MTUS2: variants seen among roughly 807,000 people sequenced by gnomAD.
MTUS2 encodes the protein microtubule-associated tumor suppressor candidate 2.
Under a neutral mutation model 114.1 loss-of-function variants are expected in MTUS2, and 40 were observed. The observed-to-expected ratio is 0.35, with a 90% CI of 0.27 to 0.46. MTUS2 has a LOEUF of 0.46. MTUS2 is among the 20% of genes least tolerant of loss of function. MTUS2 has a pLI of 1.00. For synonymous variants in MTUS2, 688 were observed against 672.0 expected, an observed-to-expected ratio of 1.02 and a Z score of -0.37; for missense variants, 1,679 against 1,705.4, an observed-to-expected ratio of 0.98 and a Z score of 0.27.
At chr13:29,118,367 A>G (rs1261959503) in intron 5 of MTUS2, among the ~76,000 whole-genome samples, 4 of 152,050 alleles carry the variant, frequency 2.6e-5, no homozygotes, top group Non-Finnish European at 5.9e-5. Context: ...CTGGGCTGGA[A>G]CCTGGCTCTG....
Position 29,504,072 on chromosome 13 carries a change from ATTG to A in MTUS2, c.*870_*872del, listed in dbSNP as rs1883080862. The stretch of plus-strand genomic sequence containing the variant: ...GCATCTCAGACTCGGTCATTAAGCT[ATTG>A]TTGCACCCTCCGGAAAACATGGCAG... On this transcript the variant is annotated 3_prime_UTR_variant, in exon 16 of 16. Coordinates refer to ENST00000612955, the MANE Select transcript of MTUS2 (RefSeq NM_001033602.4). 4.3e-6 allele frequency: 1 copy of A among 231,572 alleles called. No homozygotes were observed. The highest frequency in any genetic ancestry group is 2.2e-5 in the African/African-American group (1 of 45,252). 14.3% of individuals were successfully genotyped at this position (231,572 alleles called of 1,614,324 possible).
intron 9 of MTUS2, among the ~76,000 whole-genome samples, chr13:29,441,500 C>A (rs569032309): frequency 6.6e-6 from 1 of 152,298 alleles, no homozygotes; most frequent in African/African-American, 2.4e-5. Flanking sequence ...ACCTCATTGC[C>A]AAGGCCTCCA....
At chr13:29,329,655 C>T (rs1268511253) in intron 7 of MTUS2, among the ~76,000 whole-genome samples, 11 of 148,210 alleles carry the variant, frequency 7.4e-5, no homozygotes, top group African/African-American at 2.8e-4. Flanking sequence ...CACTCTGTTG[C>T]CAGGCTGGAG....
intron 6 of MTUS2, among the ~76,000 whole-genome samples, chr13:29,317,064 A>G (rs1014440732): frequency 1.3e-5 from 2 of 152,184 alleles, no homozygotes; most frequent in African/African-American, 4.8e-5. Flanking sequence ...TTATCTTTTC[A>G]TAATAATCTT....
At chr13:29,060,094 G>A (rs1186001492) in intron 4 of MTUS2, among the ~76,000 whole-genome samples, 1 of 152,248 alleles carries the variant, frequency 6.6e-6, no homozygotes. Context: ...AGGACTGCTG[G>A]GCTGGAAGCT....
Position 29,260,461 on chromosome 13 carries a change from C to T in MTUS2, c.2645-21243C>T, listed in dbSNP as rs150580197. ...TATGCCTAGTGTTCCATTACTGGAA[C>T]GCTAAGCTTGTGGGAGTTATTTATA... On this transcript the variant is annotated intron_variant, in intron 5 of 15. Transcript: ENST00000612955. Among the ~76,000 whole-genome samples, 378 of 152,298 alleles carry T rather than the reference C, an allele frequency of 2.5e-3. 4 individuals are homozygous for T. Among genetic ancestry groups the T allele is most frequent in the South Asian group, 0.022 (105 of 4,816 alleles).
At chr13:29,458,686 C>G (rs1288376452) in intron 9 of MTUS2, among the ~76,000 whole-genome samples, 2 of 152,276 alleles carry the variant, frequency 1.3e-5, no homozygotes, top group African/African-American at 4.8e-5. Context: ...ACAGGCAGGA[C>G]AACTCTCCAT....
chr13:28,853,701 T>C (rs1876443843), intron 2 of MTUS2, among the ~76,000 whole-genome samples: 1 of 152,170 alleles, frequency 6.6e-6, no homozygotes, highest in African/African-American at 2.4e-5. Flanking sequence ...AGATTGACCA[T>C]CATGTTAAAA....
upstream of MTUS2, chr13:28,820,226 T>A (rs1873789234): frequency 6.9e-6 from 1 of 145,056 alleles, no homozygotes; most frequent in South Asian, 2.1e-4. Context: ...GCGGCTCCGG[T>A]CCCCGGCTGC....
At chr13:29,501,665 A>G (rs935765547) in intron 15 of MTUS2, among the ~76,000 whole-genome samples, 25 of 152,202 alleles carry the variant, frequency 1.6e-4, no homozygotes, top group Admixed American at 1.4e-3. Context: ...ATGCGGGGAT[A>G]AAGCAGGGTT....
At chr13:29,109,397 G>GC (rs779489378) in intron 5 of MTUS2, among the ~76,000 whole-genome samples, 9 of 152,076 alleles carry the variant, frequency 5.9e-5, no homozygotes, top group Non-Finnish European at 1.2e-4. Flanking sequence ...TCAACCCCAT[G>GC]CTGTATATTA....
rs573507252 is a variant in MTUS2 at position 29,282,218 on chromosome 13, G to A, written c.2806+353G>A. Among the ~76,000 whole-genome samples the A allele has an allele frequency of 3.3e-5, 5 of 152,346 alleles. No homozygotes were observed. In the South Asian group the frequency reaches 6.2e-4, roughly 19 times the overall value. ...AGCAAGCTTCAGGCTGCGCCTCCAG[G>A]AATGAGCCCCAGAACCCCAGAGAGA... is the stretch of plus-strand genomic sequence containing the variant. On this transcript the variant is annotated intron_variant, in intron 6 of 15. Coordinates refer to ENST00000612955, the MANE Select transcript of MTUS2 (RefSeq NM_001033602.4).
At chr13:29,157,820 G>GTAGATATAGATATAGATA (rs1332176828) in intron 5 of MTUS2, among the ~76,000 whole-genome samples, 8 of 115,488 alleles carry the variant, frequency 6.9e-5, no homozygotes, top group African/African-American at 2.1e-4. Context: ...AGATATAGAT[G>GTAGATATAGATATAGATA]TAGATATAGA....
chr13:29,276,914 AAATAAATG>A (rs1453467231), intron 5 of MTUS2, among the ~76,000 whole-genome samples: 12 of 152,150 alleles, frequency 7.9e-5, no homozygotes, highest in African/African-American at 2.9e-4. Context: ...ATAAATAAAT[AAATAAATG>A]AATAAATAAA....
intron 5 of MTUS2, among the ~76,000 whole-genome samples, chr13:29,241,178 G>C (rs754942904): frequency 1.3e-5 from 2 of 152,178 alleles, no homozygotes; most frequent in Non-Finnish European, 2.9e-5. Flanking sequence ...AGGGCTTAGA[G>C]GTTATTTCTA....
At chr13:29,490,393 A>T (rs1301659502) in intron 11 of MTUS2, among the ~76,000 whole-genome samples, 3 of 152,192 alleles carry the variant, frequency 2.0e-5, no homozygotes, top group Non-Finnish European at 4.4e-5. Flanking sequence ...CAGGCCGATT[A>T]ATGAGACCCT....
chr13:29,113,211 G>A (rs1890951008), intron 5 of MTUS2, among the ~76,000 whole-genome samples: 1 of 152,188 alleles, frequency 6.6e-6, no homozygotes, highest in Non-Finnish European at 1.5e-5. Context: ...TGGAAGCAGA[G>A]GTGCTGGTTG....
chr13:29,239,393 G>C (rs959375027), intron 5 of MTUS2: 5 of 152,170 alleles, frequency 3.3e-5, no homozygotes, highest in Non-Finnish European at 7.3e-5. Flanking sequence ...CATTTACACT[G>C]TTGCCTGGGA....
chr13:29,426,532 T>A (rs777171693), intron 8 of MTUS2, among the ~76,000 whole-genome samples: 31 of 152,200 alleles, frequency 2.0e-4, no homozygotes, highest in Non-Finnish European at 2.9e-5. Context: ...AATTCCCTAC[T>A]TCTCCCTGTC....
Sources: gnomAD v4.1 joint callset for allele counts (sites outside exome capture counted in the v4.1 genomes callset) on GRCh38, gnomAD v4.1.1 for gene constraint, MANE v1.5 for transcripts, NCBI Gene and HGNC (gene_info 2026-07-23, HGNC 2026-07-21) for gene names.